COL4A1: variants seen among roughly 807,000 people sequenced by gnomAD.
COL4A1 encodes the protein collagen type IV alpha 1 chain.
In COL4A1, 40 loss-of-function variants were observed where a neutral mutation model predicts 216.6. The observed-to-expected ratio is 0.18, with a 90% confidence interval of 0.14 to 0.24. The LOEUF (loss-of-function observed/expected upper bound fraction) is 0.24, where lower values mean the gene tolerates loss of function less well. Ranked by LOEUF, COL4A1 falls within the 10% of genes least tolerant of loss-of-function variation. The pLI is 1.00. For synonymous variants in COL4A1, 839 were observed against 810.7 expected, an observed-to-expected ratio of 1.03 and a Z score of -0.59; for missense variants, 1,628 against 2,196.8, an observed-to-expected ratio of 0.74 and a Z score of 5.18.
At chr13:110,282,635 C>A (rs1883678845) in intron 1 of COL4A1, among the ~76,000 whole-genome samples, 1 of 152,290 alleles carries the variant, frequency 6.6e-6, no homozygotes, top group East Asian at 1.9e-4. Context: ...GAAGTGCTCT[C>A]ACATAACTGT....
intron 1 of COL4A1, among the ~76,000 whole-genome samples, chr13:110,266,756 A>G (rs572603272): frequency 2.6e-5 from 4 of 152,208 alleles, no homozygotes; most frequent in Non-Finnish European, 5.9e-5. Flanking sequence ...GGGCTAAGGG[A>G]GATGACCTTT....
intron 2 of COL4A1, among the ~76,000 whole-genome samples, chr13:110,215,061 C>T (rs16975617): frequency 0.039 from 5,987 of 152,224 alleles, 198 homozygotes; most frequent in East Asian, 0.1. Flanking sequence ...GTTATAATTT[C>T]GCTCAATCAA....
intron 2 of COL4A1, among the ~76,000 whole-genome samples, chr13:110,231,557 A>C (rs910705590): frequency 3.3e-5 from 5 of 152,096 alleles, no homozygotes; most frequent in African/African-American, 1.2e-4. Flanking sequence ...AGGTCTTAGC[A>C]GAGTGTTCAC....
intron 2 of COL4A1, among the ~76,000 whole-genome samples, chr13:110,225,758 C>T: frequency 6.6e-6 from 1 of 152,184 alleles, no homozygotes; most frequent in East Asian, 1.9e-4. Context: ...GGGCGCCCTG[C>T]TTTTCATGCT....
chr13:110,193,413 G>A (rs77200213), intron 22 of COL4A1, among the ~76,000 whole-genome samples: 2,262 of 152,330 alleles, frequency 0.015, 54 homozygotes, highest in African/African-American at 0.051. Flanking sequence ...GACAGAAGAG[G>A]AGAGAGACTG....
intron 1 of COL4A1, among the ~76,000 whole-genome samples, chr13:110,304,302 T>C (rs1018118073): frequency 6.6e-6 from 1 of 152,242 alleles, no homozygotes; most frequent in African/African-American, 2.4e-5. Flanking sequence ...TATATGGGAA[T>C]GAAATCTCAC....
intron 24 of COL4A1, chr13:110,191,404 G>A (rs529312878): frequency 1.1e-5 from 4 of 354,934 alleles, no homozygotes; most frequent in East Asian, 4.2e-5. Flanking sequence ...GTCCATGCTC[G>A]CAAAGCTCAG....
intron 50 of COL4A1, among the ~76,000 whole-genome samples, chr13:110,152,780 T>C (rs1876570706): frequency 6.6e-6 from 1 of 151,940 alleles, no homozygotes; most frequent in Non-Finnish European, 1.5e-5. Flanking sequence ...TTCATTAGAG[T>C]TTAAAGAAGA....
At chr13:110,222,571 A>C (rs1880543866) in intron 2 of COL4A1, among the ~76,000 whole-genome samples, 1 of 150,010 alleles carries the variant, frequency 6.7e-6, no homozygotes, top group Non-Finnish European at 1.5e-5. Flanking sequence ...CAGGAGATCG[A>C]GACCATCCTG....
intron 30 of COL4A1, 50 bp from the exon 31 acceptor site, chr13:110,179,086 C>T: frequency 1.3e-6 from 2 of 1,577,084 alleles, no homozygotes; most frequent in Non-Finnish European, 1.7e-6. Context: ...TGGCACGTCT[C>T]CCGGCCTAGG....
chr13:110,236,552 G>T (rs957747292), intron 2 of COL4A1, among the ~76,000 whole-genome samples: 4 of 152,220 alleles, frequency 2.6e-5, no homozygotes, highest in Non-Finnish European at 5.9e-5. Context: ...GGAGGAGGCA[G>T]AGGCACAAGT....
rs542803991 is a variant in COL4A1, at chr13:110,152,375, G to A, written c.4887C>T (p.Tyr1629=). The A allele has an allele frequency of 6.2e-7, 1 of 1,614,204 alleles. No homozygotes were observed. The highest frequency in any genetic ancestry group is 1.3e-5 in the African/African-American group (1 of 75,050). ...RGTCNYYANA[Y]SFWLATIERS... is the part of the protein sequence containing the mutation. ...TCTCTATGGTGGCGAGCCAAAAGCT[G>A]TAAGCGTTTGCGTAGTAATTGCAGG... The change falls in exon 51 of 52, where the codon TAC becomes TAT. Residue 1629 remains tyrosine (Y), a synonymous_variant. Transcript: ENST00000375820.
chr13:110,245,806 A>G (rs1433942986), intron 1 of COL4A1, among the ~76,000 whole-genome samples: 1 of 152,124 alleles, frequency 6.6e-6, no homozygotes, highest in Non-Finnish European at 1.5e-5. Flanking sequence ...AAACACCCCC[A>G]GCCGGTGCCG....
In COL4A1 at chr13:110,300,325, C is replaced by G. The variant is rs920601682; in HGVS notation, c.84+6619G>C. ...TCTCCTCTGAACGTGCATCATCTGT[C>G]ATTTTCTTCTGAATGTGGATCATCT... On this transcript the variant is annotated intron_variant, in intron 1 of 51. Coordinates refer to ENST00000375820, the MANE Select transcript of COL4A1 (RefSeq NM_001845.6). 2.0e-4 allele frequency among the ~76,000 whole-genome samples: 30 copies of G among 152,300 alleles called. No homozygotes were observed. The East Asian group carries it at 5.4e-3, about 27-fold the overall frequency.
intron 8 of COL4A1, 69 bp from the exon 9 acceptor site, chr13:110,210,281 T>C: frequency 1.7e-5 from 25 of 1,467,886 alleles, no homozygotes; most frequent in Non-Finnish European, 2.4e-5. Flanking sequence ...TGAAAACTCT[T>C]TGATAGTTGG....
intron 1 of COL4A1, among the ~76,000 whole-genome samples, chr13:110,249,626 C>T (rs1053037615): frequency 1.3e-5 from 2 of 152,104 alleles, no homozygotes; most frequent in South Asian, 4.1e-4. Context: ...GGACTTCGTG[C>T]CTTCTGGTAA....
chr13:110,185,752 G>A (rs1321370240), intron 26 of COL4A1, among the ~76,000 whole-genome samples: 1 of 152,176 alleles, frequency 6.6e-6, no homozygotes, highest in African/African-American at 2.4e-5. Context: ...AGTCGTGGGA[G>A]AGGAGAACGA....
At chr13:110,196,883 A>T (rs1382239761) in intron 21 of COL4A1, among the ~76,000 whole-genome samples, 1 of 152,220 alleles carries the variant, frequency 6.6e-6, no homozygotes, top group Non-Finnish European at 1.5e-5. Context: ...TAGCCTCTTT[A>T]ACATACATTA....
At chr13:110,234,603 A>AG (rs1168297691) in intron 2 of COL4A1, among the ~76,000 whole-genome samples, 5 of 151,756 alleles carry the variant, frequency 3.3e-5, no homozygotes, top group Non-Finnish European at 5.9e-5. Flanking sequence ...AGAAAAAAAC[A>AG]GGGGGGCGTT....
Sources: allele counts gnomAD v4.1 joint callset (sites outside exome capture counted in the v4.1 genomes callset), GRCh38; gene constraint gnomAD v4.1.1; transcripts MANE v1.5; gene names NCBI Gene and HGNC (gene_info 2026-07-23, HGNC 2026-07-21).